DTNA: variants seen among roughly 807,000 people sequenced by gnomAD.
DTNA encodes the protein dystrophin-related protein 3.
Under a neutral mutation model 100.7 loss-of-function variants are expected in DTNA, and 43 were observed. The observed-to-expected ratio is 0.43, with a 90% confidence interval of 0.33 to 0.55. DTNA has a LOEUF of 0.55. Ranked by LOEUF, DTNA falls within the 20% of genes least tolerant of loss-of-function variation. The pLI, the probability that DTNA is intolerant of heterozygous loss-of-function variation, is 0.04. For missense variants in DTNA, 798 were observed against 953.9 expected, an observed-to-expected ratio of 0.84 and a Z score of 2.15; for synonymous variants, 349 against 347.9, an observed-to-expected ratio of 1.00 and a Z score of -0.04.
intron 1 of DTNA, among the ~76,000 whole-genome samples, chr18:34,545,482 T>C (rs1434364458): frequency 6.6e-6 from 1 of 152,160 alleles, no homozygotes; most frequent in African/African-American, 2.4e-5. Flanking sequence ...GGCACCATAG[T>C]AGTTAGCAAC....
At chr18:34,848,446 A>T in intron 14 of DTNA, 63 bp downstream of exon 14, 2 of 1,515,526 alleles carry the variant, frequency 1.3e-6, no homozygotes, top group Non-Finnish European at 1.8e-6. Flanking sequence ...TTTATATGTC[A>T]TGTTTATTGT....
In DTNA at chr18:34,858,818, T is replaced by TCAGAC. The variant is rs1184623828; in HGVS notation, c.1646+421_1646+425dup. 3.3e-5 allele frequency among the ~76,000 whole-genome samples: 5 copies of TCAGAC among 152,158 alleles called. No homozygotes were observed. The East Asian group carries it at 9.7e-4, about 29-fold the overall frequency. On this transcript the variant is annotated intron_variant, in intron 16 of 22. Coordinates refer to ENST00000444659, the MANE Select transcript of DTNA (RefSeq NM_001386795.1). ...TAGAGACAGGGTTTCACCATATTAG[T>TCAGAC]CAGACTGGTCGCAAACTCCTGACCT...
At chr18:34,769,725 C>CTTTGTTTTTTTTTTTTTTT (rs2093664342) in intron 3 of DTNA, among the ~76,000 whole-genome samples, 1 of 53,872 alleles carries the variant, frequency 1.9e-5, no homozygotes, top group Non-Finnish European at 4.1e-5. Flanking sequence ...CCCTCTGGGG[C>CTTTGTTTTTTTTTTTTTTT]TTTTTTTTTT....
At chr18:34,590,618 T>TTA (rs1874331627) in intron 1 of DTNA, among the ~76,000 whole-genome samples, 2 of 152,328 alleles carry the variant, frequency 1.3e-5, no homozygotes, top group Admixed American at 6.5e-5. Context: ...AGAACGGTGC[T>TTA]AATAGAGTCT....
At chr18:34,877,328 T>A (rs1024790402) in intron 18 of DTNA, among the ~76,000 whole-genome samples, 5 of 152,192 alleles carry the variant, frequency 3.3e-5, no homozygotes, top group African/African-American at 4.8e-5. Flanking sequence ...GGCGCAGCTC[T>A]CCTGGAAAAC....
rs1363535725 is a variant in DTNA, at chr18:34,891,379, T to C, written c.*3645T>C. ...TTTTGGAGTGGAATAATTTCTTCAT[T>C]AAAAAATGTTTTTAAAAACACTATA... On this transcript the variant is annotated 3_prime_UTR_variant, in exon 23 of 23. Coordinates refer to ENST00000444659, the MANE Select transcript of DTNA (RefSeq NM_001386795.1). 1.3e-5 allele frequency: 2 copies of C among 152,598 alleles called. No homozygotes were observed. The highest frequency in any genetic ancestry group is 2.4e-5 in the African/African-American group (1 of 41,432). The allele number at this position is 152,598 out of a possible 1,614,324, so 9.5% of individuals were successfully genotyped here. A position where few individuals can be genotyped will look rare whatever the true frequency, so the allele number is the denominator to read the frequency against.
upstream of DTNA, among the ~76,000 whole-genome samples, chr18:34,706,475 T>A (rs2082135089): frequency 6.6e-6 from 1 of 152,016 alleles, no homozygotes; most frequent in Non-Finnish European, 1.5e-5. Flanking sequence ...ATTCAGAATA[T>A]AAGTATATAA....
chr18:34,866,648 C>G, intron 17 of DTNA: 1 of 1,010,746 alleles, frequency 9.9e-7, no homozygotes, highest in Non-Finnish European at 1.2e-6. Context: ...CCCTTTTCAT[C>G]ACACAATTAT....
chr18:34,674,120 A>C (rs1362794898), intron 1 of DTNA, among the ~76,000 whole-genome samples: 1 of 152,220 alleles, frequency 6.6e-6, no homozygotes, highest in East Asian at 1.9e-4. Context: ...AACTTCACAG[A>C]AATGAGGTTG....
intron 1 of DTNA, chr18:34,513,854 A>G (rs1180808623): frequency 1.3e-5 from 2 of 152,150 alleles, no homozygotes; most frequent in African/African-American, 2.4e-5. Flanking sequence ...AGATTTTACC[A>G]TTAACTACTA....
At chr18:34,663,836 T>G (rs940502895) in intron 1 of DTNA, among the ~76,000 whole-genome samples, 1 of 152,192 alleles carries the variant, frequency 6.6e-6, no homozygotes, top group African/African-American at 2.4e-5. Context: ...CGTGGTGACA[T>G]TAACAAAAGT....
chr18:34,542,673 A>G (rs1355824906), intron 1 of DTNA, among the ~76,000 whole-genome samples: 1 of 151,854 alleles, frequency 6.6e-6, no homozygotes, highest in Non-Finnish European at 1.5e-5. Flanking sequence ...GTTCTGTGAA[A>G]AAAAAAAAAG....
chr18:34,502,712 T>G (rs575403515), intron 1 of DTNA, among the ~76,000 whole-genome samples: 4 of 152,364 alleles, frequency 2.6e-5, no homozygotes, highest in African/African-American at 9.6e-5. Flanking sequence ...TCTGTTGTAT[T>G]CAGAGAACAC....
Position 34,554,763 on chromosome 18 carries a change from T to C in DTNA, c.-2+61249T>C, listed in dbSNP as rs1235715909. On this transcript the variant is annotated intron_variant, in intron 1 of 19. Coordinates refer to the DTNA transcript ENST00000283365. Reference sequence around the variant, plus strand: ...GTGGATAAGCTTTTTGATGTGCTGCTGGATTTGTTTTGCCAGTATTTTATT... The same window carrying C: ...GTGGATAAGCTTTTTGATGTGCTGCCGGATTTGTTTTGCCAGTATTTTATT... Among the ~76,000 whole-genome samples, 4 of 140,220 alleles carry C rather than the reference T, an allele frequency of 2.9e-5. No individual in the cohort carries two copies. The East Asian group carries it at 7.9e-4, about 28-fold the overall frequency. 92.0% of individuals were successfully genotyped at this position (140,220 alleles called of 152,430 possible). A position where few individuals can be genotyped will look rare whatever the true frequency, so the allele number is the denominator to read the frequency against.
Position 34,889,089 on chromosome 18 carries a change from G to A in DTNA, c.*1355G>A. 4.1e-6 allele frequency: 4 copies of A among 985,218 alleles called. No homozygotes were observed. Among genetic ancestry groups the A allele is most frequent in the Non-Finnish European group, 4.8e-6 (4 of 829,870 alleles). The allele number at this position is 985,218 out of a possible 1,614,324, so 61.0% of individuals were successfully genotyped here. A position where few individuals can be genotyped will look rare whatever the true frequency, so the allele number is the denominator to read the frequency against. On this transcript the variant is annotated 3_prime_UTR_variant, in exon 23 of 23. Transcript: ENST00000444659. ...TAAAGACCTCCTTTGGGAATTCTGG[G>A]GAAAAAGAAAAAGTAATCTTCTACT...
At chr18:34,558,669 C>T (rs552841158) in intron 1 of DTNA, among the ~76,000 whole-genome samples, 1 of 152,240 alleles carries the variant, frequency 6.6e-6, no homozygotes, top group Non-Finnish European at 1.5e-5. Flanking sequence ...GAATTTTTTA[C>T]ATTCAATGGT....
chr18:34,881,115 G>A, intron 20 of DTNA, among the ~76,000 whole-genome samples: 1 of 152,100 alleles, frequency 6.6e-6, no homozygotes, highest in Non-Finnish European at 1.5e-5. Flanking sequence ...ATTTAGCCTG[G>A]CCCCAAACCT....
intron 1 of DTNA, among the ~76,000 whole-genome samples, chr18:34,526,338 C>A (rs1239788923): frequency 2.0e-5 from 3 of 152,076 alleles, no homozygotes; most frequent in African/African-American, 7.2e-5. Context: ...GAGTCAGTAT[C>A]ATCATTAGGA....
At chr18:34,838,897 C>T (rs2096211705) in intron 13 of DTNA, 60 bp downstream of exon 13, 2 of 1,479,864 alleles carry the variant, frequency 1.4e-6, no homozygotes, top group African/African-American at 2.8e-5. Flanking sequence ...GAGCTGGTGA[C>T]AAGCAGTCTC....
Sources: gnomAD v4.1 joint callset for allele counts (sites outside exome capture counted in the v4.1 genomes callset) on GRCh38, gnomAD v4.1.1 for gene constraint, MANE v1.5 for transcripts, NCBI Gene and HGNC (gene_info 2026-07-23, HGNC 2026-07-21) for gene names.